Variants in MCU observed in about 807,000 individuals in gnomAD.
The protein encoded by MCU is calcium uniporter protein, mitochondrial.
MCU carries 12 observed loss-of-function variants against 45.2 expected under a neutral mutation model. The observed-to-expected ratio is 0.27, with a 90% CI of 0.17 to 0.43. The LOEUF (loss-of-function observed/expected upper bound fraction) is 0.43. Ranked by LOEUF, MCU falls within the 20% of genes least tolerant of loss-of-function variation. MCU has a pLI of 1.00. For missense variants in MCU, 324 were observed against 436.7 expected, an observed-to-expected ratio of 0.74 and a Z score of 2.30; for synonymous variants, 160 against 165.1, an observed-to-expected ratio of 0.97 and a Z score of 0.24.
intron 1 of MCU, among the ~76,000 whole-genome samples, chr10:72,712,794 T>C (rs1396858300): frequency 6.6e-6 from 1 of 152,196 alleles, no homozygotes; most frequent in African/African-American, 2.4e-5. Flanking sequence ...TCTGATAAAA[T>C]TTTATCTTCT....
intron 4 of MCU, among the ~76,000 whole-genome samples, chr10:72,866,458 C>T (rs1319688649): frequency 1.3e-5 from 2 of 151,918 alleles, no homozygotes; most frequent in African/African-American, 2.4e-5. Context: ...AGTACAGTGG[C>T]GCAATCTCGG....
intron 1 of MCU, among the ~76,000 whole-genome samples, chr10:72,787,522 A>G (rs1159458241): frequency 6.6e-6 from 1 of 151,486 alleles, no homozygotes; most frequent in Non-Finnish European, 1.5e-5. Flanking sequence ...GCCCACCTCA[A>G]CCTCCCAAAG....
intron 2 of MCU, among the ~76,000 whole-genome samples, chr10:72,845,648 T>C (rs1845109751): frequency 6.6e-6 from 1 of 152,202 alleles, no homozygotes; most frequent in African/African-American, 2.4e-5. Context: ...ACTAGGTGTG[T>C]AGTAGGCTAT....
At chr10:72,869,967 A>AT (rs566899418) in intron 5 of MCU, among the ~76,000 whole-genome samples, 1 of 152,334 alleles carries the variant, frequency 6.6e-6, no homozygotes, top group South Asian at 2.1e-4. Context: ...TGTGTTATAT[A>AT]TATACCTATA....
chr10:72,698,215 A>G (rs908843880), intron 1 of MCU, among the ~76,000 whole-genome samples: 5 of 152,198 alleles, frequency 3.3e-5, no homozygotes, highest in South Asian at 2.1e-4. Flanking sequence ...TTTCTTTAAC[A>G]TGAAATCTAA....
At chr10:72,742,824 T>G (rs1362624687) in intron 1 of MCU, among the ~76,000 whole-genome samples, 1 of 152,144 alleles carries the variant, frequency 6.6e-6, no homozygotes, top group Admixed American at 6.5e-5. Flanking sequence ...GTCTTTCTCC[T>G]GAAGATGTAA....
At chr10:72,871,999 TA>T (rs1458188730) in intron 6 of MCU, among the ~76,000 whole-genome samples, 1 of 152,218 alleles carries the variant, frequency 6.6e-6, no homozygotes, top group African/African-American at 2.4e-5. Context: ...TGGTGATAAC[TA>T]ATCAAATACT....
intron 1 of MCU, among the ~76,000 whole-genome samples, chr10:72,796,016 C>G (rs1844239055): frequency 6.6e-6 from 1 of 151,838 alleles, no homozygotes; most frequent in African/African-American, 2.4e-5. Flanking sequence ...AAAAAATATG[C>G]CACTCTGTAA....
chr10:72,770,040 G>GT (rs1244010523), intron 1 of MCU, among the ~76,000 whole-genome samples: 3 of 151,206 alleles, frequency 2.0e-5, no homozygotes, highest in Non-Finnish European at 4.4e-5. Flanking sequence ...TTCCTTTGTG[G>GT]TTTTTTTTCT....
At chr10:72,704,705 T>C (rs12767696) in intron 1 of MCU, among the ~76,000 whole-genome samples, 13,295 of 42,500 alleles carry the variant, frequency 0.31, 1,705 homozygotes, top group African/African-American at 0.43. Flanking sequence ...GCCTGGATAA[T>C]TTTTTTTTTT....
intron 1 of MCU, among the ~76,000 whole-genome samples, chr10:72,710,605 C>T (rs545126471): frequency 2.6e-5 from 3 of 116,478 alleles, no homozygotes; most frequent in South Asian, 6.1e-4. Context: ...AAGGAAATTA[C>T]ATTATGTTCA....
chr10:72,717,572 A>G (rs1384794446), intron 1 of MCU, among the ~76,000 whole-genome samples: 1 of 152,100 alleles, frequency 6.6e-6, no homozygotes, highest in Non-Finnish European at 1.5e-5. Flanking sequence ...ATTGCTTCTT[A>G]ATGAGTCACT....
intron 1 of MCU, among the ~76,000 whole-genome samples, chr10:72,738,261 T>C (rs922195828): frequency 8.5e-5 from 13 of 152,190 alleles, no homozygotes; most frequent in African/African-American, 3.1e-4. Flanking sequence ...TTGCTCCCAC[T>C]CTTTCTTCCT....
chr10:72,697,477 AG>A (rs1842704986), intron 1 of MCU, among the ~76,000 whole-genome samples: 1 of 122,920 alleles, frequency 8.1e-6, no homozygotes, highest in Non-Finnish European at 1.6e-5. Context: ...TCTGTTGCCC[AG>A]GCTGGAGTGC....
chr10:72,830,800 G>A (rs1234410475), intron 1 of MCU, among the ~76,000 whole-genome samples: 1 of 152,120 alleles, frequency 6.6e-6, no homozygotes, highest in African/African-American at 2.4e-5. Context: ...AGAGGTGTGT[G>A]GGGAAACCCT....
chr10:72,873,531 A>G (rs1295983755), intron 6 of MCU, among the ~76,000 whole-genome samples: 1 of 152,124 alleles, frequency 6.6e-6, no homozygotes, highest in Non-Finnish European at 1.5e-5. Flanking sequence ...AGCTTTTGCA[A>G]ATGTTTTCTC....
intron 1 of MCU, among the ~76,000 whole-genome samples, chr10:72,723,399 A>G (rs1240817379): frequency 6.6e-6 from 1 of 152,136 alleles, no homozygotes; most frequent in African/African-American, 2.4e-5. Context: ...AAAGTACTAA[A>G]TCTTTTATCA....
intron 6 of MCU, among the ~76,000 whole-genome samples, chr10:72,881,189 A>T (rs1845695718): frequency 6.6e-6 from 1 of 152,206 alleles, no homozygotes; most frequent in Admixed American, 6.5e-5. Flanking sequence ...AAATGGTGCT[A>T]GGACAATTAA....
At chr10:72,766,594 A>C (rs1350437217) in intron 1 of MCU, 2 of 152,172 alleles carry the variant, frequency 1.3e-5, no homozygotes, top group Non-Finnish European at 2.9e-5. Flanking sequence ...TCTGTACTTT[A>C]GGAGATTGCA....
Sources: gnomAD v4.1 joint callset for allele counts (sites outside exome capture counted in the v4.1 genomes callset) on GRCh38, gnomAD v4.1.1 for gene constraint, MANE v1.5 for transcripts, NCBI Gene and HGNC (gene_info 2026-07-23, HGNC 2026-07-21) for gene names.